The following CACNA2D1 variants were observed in gnomAD, a reference collection of about 807,000 sequenced individuals.
CACNA2D1 encodes the protein voltage-dependent calcium channel subunit alpha-2/delta-1.
CACNA2D1 carries 53 observed loss-of-function variants against 171.5 expected under a neutral mutation model. The ratio of observed to expected loss-of-function variants is 0.31; its 90% confidence interval spans 0.25 to 0.39. CACNA2D1 has a LOEUF of 0.39. Ranked by LOEUF, CACNA2D1 falls within the 10% of genes least tolerant of loss-of-function variation. The pLI is 1.00. For synonymous variants in CACNA2D1, 442 were observed against 443.1 expected (o/e 1.00, Z 0.03); for missense variants, 903 against 1,299.8 (o/e 0.69, Z 4.69).
chr7:82,258,817 C>CT lies in CACNA2D1; in HGVS notation c.294+76317dup, dbSNP rs201927487. 3.5e-3 allele frequency among the ~76,000 whole-genome samples: 251 copies of CT among 72,582 alleles called. 13 individuals carry two copies. Among genetic ancestry groups the CT allele is most frequent in the East Asian group, 0.019 (56 of 3,002 alleles). The allele number at this position is 72,582 out of a possible 152,430, so 47.6% of individuals were successfully genotyped here. A position where few individuals can be genotyped will look rare whatever the true frequency, so the allele number is the denominator to read the frequency against. ...ATTTCTTTCTTTCTTTCTTACTTTT[C>CT]TTTTTTTTTTTTTTTTTTTTTTGAG... On this transcript the variant is annotated intron_variant, in intron 3 of 38. Coordinates refer to ENST00000356860, the MANE Select transcript of CACNA2D1 (RefSeq NM_000722.4).
At chr7:82,372,280 T>TA (rs1822501422) in intron 1 of CACNA2D1, among the ~76,000 whole-genome samples, 1 of 152,178 alleles carries the variant, frequency 6.6e-6, no homozygotes, top group Non-Finnish European at 1.5e-5. Context: ...TTAATTAACT[T>TA]ACATATAAAT....
rs5885295 is a variant in CACNA2D1, at chr7:82,411,895, T to TCACACACACACA, written c.95+31458_95+31469dup. Among the ~76,000 whole-genome samples, 322 of 144,876 alleles carry TCACACACACACA rather than the reference T, an allele frequency of 2.2e-3. 1 individual carries two copies. The highest frequency in any genetic ancestry group is 7.6e-3 in the African/African-American group (299 of 39,294). On this transcript the variant is annotated intron_variant, in intron 1 of 38. Transcript: ENST00000356860. ...CCTCAAGCCAAACGAAAACTAAATC[T>TCACACACACACA]CACACACACACACACACACACACAC...
intron 3 of CACNA2D1, among the ~76,000 whole-genome samples, chr7:82,198,869 A>G (rs555538464): frequency 1.4e-4 from 22 of 152,226 alleles, no homozygotes; most frequent in South Asian, 1.0e-3. Flanking sequence ...TGAATTACCC[A>G]TAAGTATATA....
chr7:82,120,722 A>C (rs1789624911), intron 5 of CACNA2D1, among the ~76,000 whole-genome samples: 1 of 152,024 alleles, frequency 6.6e-6, no homozygotes, highest in Admixed American at 6.6e-5. Flanking sequence ...TAATAATACA[A>C]AAATTAGCCG....
At chr7:82,291,395 T>A (rs1424246949) in intron 3 of CACNA2D1, among the ~76,000 whole-genome samples, 1 of 135,500 alleles carries the variant, frequency 7.4e-6, no homozygotes, top group Non-Finnish European at 1.6e-5. Flanking sequence ...TCTATCTACA[T>A]CTACACTAGA....
At chr7:82,248,811 CAA>C (rs11352717) in intron 3 of CACNA2D1, among the ~76,000 whole-genome samples, 14 of 141,426 alleles carry the variant, frequency 9.9e-5, no homozygotes, top group South Asian at 2.3e-4. Context: ...AGAGAAAGGC[CAA>C]AAAAAAAAAA....
In CACNA2D1 at chr7:82,443,561, C is replaced by G; in HGVS notation, c.-102G>C. The G allele has an allele frequency of 1.3e-6, 2 of 1,514,278 alleles. No individual in the cohort carries two copies. Among genetic ancestry groups the G allele is most frequent in the Non-Finnish European group, 1.8e-6 (2 of 1,129,652 alleles). 93.8% of individuals were successfully genotyped at this position (1,514,278 alleles called of 1,614,324 possible). On this transcript the variant is annotated 5_prime_UTR_variant, in exon 1 of 39. Coordinates refer to ENST00000356860, the MANE Select transcript of CACNA2D1 (RefSeq NM_000722.4). ...AGAGCAGCACACGCCGCCGGGACCG[C>G]GGGCGTCTGGAGGGCTGGCTGCGCC...
At chr7:82,096,513 C>T (rs1481485278) in intron 6 of CACNA2D1, among the ~76,000 whole-genome samples, 1 of 151,718 alleles carries the variant, frequency 6.6e-6, no homozygotes, top group Non-Finnish European at 1.5e-5. Context: ...CTCTGAAGAA[C>T]TGTATTTTAA....
intron 5 of CACNA2D1, among the ~76,000 whole-genome samples, chr7:82,135,550 G>A (rs1271352624): frequency 6.6e-6 from 1 of 152,038 alleles, no homozygotes; most frequent in Non-Finnish European, 1.5e-5. Context: ...TTCATTAACA[G>A]TATTGTAGGA....
chr7:82,202,404 T>C (rs1317286230), intron 3 of CACNA2D1, among the ~76,000 whole-genome samples: 3 of 152,124 alleles, frequency 2.0e-5, no homozygotes, highest in African/African-American at 7.2e-5. Context: ...TGGTCCCCAC[T>C]GATTCTGAGT....
intron 4 of CACNA2D1, among the ~76,000 whole-genome samples, chr7:82,169,973 C>T (rs1298733947): frequency 6.7e-6 from 1 of 150,306 alleles, no homozygotes; most frequent in Non-Finnish European, 1.5e-5. Flanking sequence ...GTTCATAAAA[C>T]AAGTTTATTA....
At chr7:82,278,557 TA>T (rs59630150) in intron 3 of CACNA2D1, among the ~76,000 whole-genome samples, 10,363 of 107,664 alleles carry the variant, frequency 0.096, 1,214 homozygotes, top group African/African-American at 0.3. Context: ...GACTCTGTCT[TA>T]AAAAAAAAAA....
intron 31 of CACNA2D1, among the ~76,000 whole-genome samples, 197 bp downstream of exon 31, chr7:81,966,972 A>T (rs750410083): frequency 1.3e-5 from 2 of 151,520 alleles, no homozygotes; most frequent in African/African-American, 2.4e-5. Flanking sequence ...GGATACATAC[A>T]TATTTTTAAA....
rs371637177 is a variant in CACNA2D1, at chr7:82,117,078, T to C, written c.492A>G (p.Ala164=). Reference sequence around the variant, plus strand: ...AGATGTCAGTAGGAATATGGACTGCTGCGTGCTGATAAGATATTTGTCGTC... The same window carrying C: ...AGATGTCAGTAGGAATATGGACTGCCGCGTGCTGATAAGATATTTGTCGTC... ...NFGRQISYQH[A]AVHIPTDIYE... is the part of the protein sequence containing the mutation. The change falls in exon 6 of 39, where the codon GCA becomes GCG. Residue 164 remains alanine (A), a synonymous_variant. Transcript: ENST00000356860. 6.2e-6 allele frequency: 10 copies of C among 1,613,804 alleles called. No homozygotes were observed. Among genetic ancestry groups the C allele is most frequent in the Non-Finnish European group, 8.5e-6 (10 of 1,179,894 alleles).
chr7:82,214,444 CT>C (rs768757608), intron 3 of CACNA2D1, among the ~76,000 whole-genome samples: 228 of 140,194 alleles, frequency 1.6e-3, no homozygotes, highest in Middle Eastern at 3.6e-3. Context: ...CGCAAGGTGG[CT>C]TTTTTTTTTT....
Position 82,162,099 on chromosome 7 carries a change from G to A in CACNA2D1, c.354+8451C>T, listed in dbSNP as rs1020241666. The stretch of plus-strand genomic sequence containing the variant: ...GAAGATAAATAGAACATGCTCATTC[G>A]ATTTGATGACATAGAGGTAGTTGTT... On this transcript the variant is annotated intron_variant, in intron 4 of 38. Coordinates refer to ENST00000356860, the MANE Select transcript of CACNA2D1 (RefSeq NM_000722.4). Among the ~76,000 whole-genome samples, 10 of 151,990 alleles carry A rather than the reference G, an allele frequency of 6.6e-5. 1 individual carries two copies. Among genetic ancestry groups the A allele is most frequent in the African/African-American group, 1.9e-4 (8 of 41,410 alleles).
chr7:82,064,110 C>A (rs1262083396), intron 9 of CACNA2D1, among the ~76,000 whole-genome samples, 194 bp downstream of exon 9: 2 of 151,706 alleles, frequency 1.3e-5, no homozygotes, highest in Admixed American at 6.6e-5. Flanking sequence ...CATATAGATT[C>A]TCTTCATGTT....
chr7:81,997,605 T>C (rs1024333352), intron 18 of CACNA2D1, among the ~76,000 whole-genome samples: 1 of 151,586 alleles, frequency 6.6e-6, no homozygotes, highest in Middle Eastern at 3.4e-3. Flanking sequence ...ATATAGCCAT[T>C]TGGATGACTT....
chr7:82,060,666 T>C (rs559851535), intron 9 of CACNA2D1, 139 bp from the exon 10 acceptor site: 5 of 511,028 alleles, frequency 9.8e-6, no homozygotes, highest in African/African-American at 9.7e-5. Flanking sequence ...GAAAATCAGT[T>C]TAAAAAGTTA....
Sources: gnomAD v4.1 joint callset for allele counts (sites outside exome capture counted in the v4.1 genomes callset) on GRCh38, gnomAD v4.1.1 for gene constraint, MANE v1.5 for transcripts, NCBI Gene and HGNC (gene_info 2026-07-23, HGNC 2026-07-21) for gene names.